Variants in MZB1 observed in about 807,000 individuals in gnomAD.
The protein encoded by MZB1 is marginal zone B and B1 cell specific protein.
A neutral mutation model predicts 17.2 loss-of-function variants in MZB1; 10 were observed. The ratio of observed to expected loss-of-function variants is 0.58; its 90% CI spans 0.36 to 0.98. The LOEUF (loss-of-function observed/expected upper bound fraction) is 0.98. MZB1 is among the 50% of genes least tolerant of loss of function. The probability of loss-of-function intolerance (pLI) is 0.01; values close to 1 mark genes in which losing one functional copy is unlikely to be tolerated. For missense variants in MZB1, 246 were observed against 237.5 expected (o/e 1.04, Z -0.23); for synonymous variants, 99 against 98.7 (o/e 1.00, Z -0.02).
At chr5:139,388,154 G>A (rs1305051527) in intron 2 of MZB1, 23 bp from the exon 3 acceptor site, 2 of 1,546,150 alleles carry the variant, frequency 1.3e-6, no homozygotes, top group African/African-American at 2.7e-5. Flanking sequence ...GAGAGGAGAG[G>A]AGTACAGTTT....
intron 2 of MZB1, 120 bp downstream of exon 2, chr5:139,388,341 C>T: frequency 8.1e-7 from 1 of 1,227,026 alleles, no homozygotes; most frequent in East Asian, 2.6e-5. Context: ...CCCAGCCAGC[C>T]CCTCCCTTGG....
At chr5:139,389,621 A>G in intron 1 of MZB1, 59 bp downstream of exon 1, 1 of 1,528,332 alleles carries the variant, frequency 6.5e-7, no homozygotes, top group Admixed American at 2.0e-5. Flanking sequence ...AGGTGGGTGG[A>G]GGGGTCTGGC....
Position 139,387,933 on chromosome 5 carries a change from C to A in MZB1, c.414-12G>T, listed in dbSNP as rs1758542070. ...ATGTCCTGGAGAGCCTAGGGGAGCC[C>A]AGCAGGAGCCTCAGATGCTGCCCAG... On this transcript the variant is annotated splice_polypyrimidine_tract_variant and intron_variant, in intron 3 of 3. Transcript: ENST00000302125. 2.5e-6 allele frequency: 4 copies of A among 1,574,668 alleles called. No individual in the cohort carries two copies. The highest frequency in any genetic ancestry group is 3.4e-6 in the Non-Finnish European group (4 of 1,163,194).
Position 139,389,656 on chromosome 5 carries a change from G to A in MZB1, c.177+24C>T, listed in dbSNP as rs76509292. The A allele has an allele frequency of 8.9e-4, 1,400 of 1,579,090 alleles. 29 individuals are homozygous for A. In the East Asian group the frequency reaches 0.03, roughly 34 times the overall value. ...CTTGAGAAGGGGTGTGAGCAGGGCA[G>A]GGTGACAGTGGTGAAGGACTCACCT... is the stretch of plus-strand genomic sequence containing the variant. On this transcript the variant is annotated intron_variant, in intron 1 of 3. Transcript: ENST00000302125.
Position 139,388,011 on chromosome 5 carries a change from C to T in MZB1, c.413+10G>A, listed in dbSNP as rs993612375. 5.8e-6 allele frequency: 9 copies of T among 1,564,040 alleles called. No individual in the cohort carries two copies. The highest frequency in any genetic ancestry group is 1.7e-4 in the Middle Eastern group (1 of 5,988). ...GGAGCTTCATCCTATCCCCAAGCCC[C>T]GGGCATCACCTGGTAGGCCAGGGGC... On this transcript the variant is annotated intron_variant, in intron 3 of 3. Coordinates refer to ENST00000302125, the MANE Select transcript of MZB1 (RefSeq NM_016459.4).
chr5:139,388,393 A>G, intron 2 of MZB1, 68 bp downstream of exon 2: 5 of 1,482,178 alleles, frequency 3.4e-6, no homozygotes, highest in Non-Finnish European at 4.6e-6. Flanking sequence ...TGAGCGGCTG[A>G]GTGGGAATCT....
rs763830249 is a variant in MZB1 at position 139,388,507 on chromosome 5, C to A, written c.256G>T (p.Val86Phe). The A allele has an allele frequency of 3.7e-6, 6 of 1,604,924 alleles. No homozygotes were observed. The highest frequency in any genetic ancestry group is 1.3e-5 in the African/African-American group (1 of 74,878). ...SGGRRELSEL[V>F]YTDVLDRSCS... ...CTCCGGTCCAGGACATCCGTGTAGA[C>A]CAACTCGCTCAGCTCCCGCCGCCCC... Residue 86 changes from valine to phenylalanine, a missense_variant, in exon 2 of 4, where the codon GTC becomes TTC. Val to Phe is a conservative substitution (Grantham distance 50, BLOSUM62 -1). Transcript: ENST00000302125.
intron 2 of MZB1, 27 bp downstream of exon 2, chr5:139,388,434 A>T: frequency 6.9e-7 from 1 of 1,440,306 alleles, no homozygotes; most frequent in Non-Finnish European, 9.1e-7. Context: ...TGGAGGAGGG[A>T]GGTGGGGGGC....
chr5:139,388,732 C>T (rs1758556248), intron 1 of MZB1, 147 bp from the exon 2 acceptor site: 3 of 1,330,524 alleles, frequency 2.3e-6, no homozygotes, highest in Non-Finnish European at 3.0e-6. Context: ...TGTTGCATGG[C>T]CCCTCCCCCA....
At chr5:139,388,168 C>G (rs1377630836) in intron 2 of MZB1, 37 bp from the exon 3 acceptor site, 3 of 1,530,932 alleles carry the variant, frequency 2.0e-6, no homozygotes, top group Non-Finnish European at 2.6e-6. Context: ...ACAGTTTTGG[C>G]AGGAGCCCAG....
At position 139,387,648 on chromosome 5, in the gene MZB1, G is replaced by T; in HGVS notation, c.*117C>A. The T allele has an allele frequency of 7.6e-7, 1 of 1,316,092 alleles. No homozygotes were observed. Among genetic ancestry groups the T allele is most frequent in the Non-Finnish European group, 1.0e-6 (1 of 1,001,030 alleles). The allele number at this position is 1,316,092 out of a possible 1,614,324, so 81.5% of individuals were successfully genotyped here. A position where few individuals can be genotyped will look rare whatever the true frequency, so the allele number is the denominator to read the frequency against. Reference sequence around the variant, plus strand: ...GCCCGAGTGCCCTGAGGCTGGAGGAGGGAGGCAGGATGGCAGCACAGAGCA... The same window carrying T: ...GCCCGAGTGCCCTGAGGCTGGAGGATGGAGGCAGGATGGCAGCACAGAGCA... On this transcript the variant is annotated 3_prime_UTR_variant, in exon 4 of 4. Transcript: ENST00000302125.
At chr5:139,388,212 C>T (rs1758546939) in intron 2 of MZB1, 81 bp from the exon 3 acceptor site, 1 of 1,334,084 alleles carries the variant, frequency 7.5e-7, no homozygotes, top group South Asian at 1.4e-5. Flanking sequence ...GCAAGCTGGA[C>T]ATGCTGGGCA....
chr5:139,389,299 G>A (rs966333064), intron 1 of MZB1: 1 of 443,092 alleles, frequency 2.3e-6, no homozygotes, highest in Admixed American at 2.6e-5. Flanking sequence ...GCAGGTGTGT[G>A]TGTGAAGCCA....
intron 2 of MZB1, 101 bp downstream of exon 2, chr5:139,388,360 C>G (rs965287989): frequency 1.6e-5 from 22 of 1,336,328 alleles, no homozygotes; most frequent in Admixed American, 2.1e-5. Context: ...GGACCAGAGT[C>G]CTAGAGGAGT....
chr5:139,388,426 G>C, intron 2 of MZB1, 35 bp downstream of exon 2: 1 of 1,440,750 alleles, frequency 6.9e-7, no homozygotes, highest in Non-Finnish European at 9.1e-7. Flanking sequence ...CCTGCCCTTG[G>C]AGGAGGGAGG....
chr5:139,389,056 G>A (rs1222008666), intron 1 of MZB1: 1 of 212,574 alleles, frequency 4.7e-6, no homozygotes, highest in Non-Finnish European at 9.7e-6. Flanking sequence ...ATTTTCAGTA[G>A]TGACGGGGTT....
intron 1 of MZB1, 143 bp downstream of exon 1, chr5:139,389,537 T>C (rs1423716562): frequency 9.8e-7 from 1 of 1,015,974 alleles, no homozygotes; most frequent in East Asian, 2.6e-5. Context: ...AGGCATGGAA[T>C]ATATGAAAGG....
At chr5:139,388,895 C>T in intron 1 of MZB1, 1 of 233,982 alleles carries the variant, frequency 4.3e-6, no homozygotes, top group South Asian at 6.3e-5. Context: ...TAGAGAGAGT[C>T]TCACGCCGTT....
At chr5:139,389,386 A>C in intron 1 of MZB1, 1 of 613,974 alleles carries the variant, frequency 1.6e-6, no homozygotes. Flanking sequence ...CCGCCCCGTC[A>C]GGGTTGGGGA....
Sources: allele counts gnomAD v4.1 joint callset, GRCh38; gene constraint gnomAD v4.1.1; transcripts MANE v1.5; gene names NCBI Gene and HGNC (gene_info 2026-07-23, HGNC 2026-07-21).